CFAP54: variants seen among roughly 807,000 people sequenced by gnomAD.
CFAP54 encodes the protein cilia- and flagella-associated protein 54.
CFAP54 carries 290 observed loss-of-function variants against 370.4 expected under a neutral mutation model. The observed-to-expected ratio is 0.78, with a 90% CI of 0.71 to 0.86. The LOEUF (loss-of-function observed/expected upper bound fraction) is 0.86. Among genes scored for constraint, CFAP54 ranks in the 40% least tolerant of loss-of-function variants. The pLI, the probability that CFAP54 is intolerant of heterozygous loss-of-function variation, is 0.00. For missense variants in CFAP54, 3,399 were observed against 3,528.7 expected, an observed-to-expected ratio of 0.96 and a Z score of 0.93; for synonymous variants, 1,206 against 1,236.5, an observed-to-expected ratio of 0.98 and a Z score of 0.52.
intron 45 of CFAP54, among the ~76,000 whole-genome samples, chr12:96,699,307 G>A (rs1957467651): frequency 6.6e-6 from 1 of 152,104 alleles, no homozygotes; most frequent in Admixed American, 6.6e-5. Context: ...GGAAAGTTAG[G>A]GTTTTCCTTT....
intron 21 of CFAP54, 64 bp from the exon 22 acceptor site, chr12:96,580,856 G>A (rs1282797978): frequency 2.0e-5 from 25 of 1,240,392 alleles, no homozygotes; most frequent in Non-Finnish European, 1.3e-5. Flanking sequence ...TTACTTAATT[G>A]TATTTTAAAA....
intron 66 of CFAP54, among the ~76,000 whole-genome samples, chr12:96,850,400 G>A (rs892607950): frequency 1.3e-5 from 2 of 152,028 alleles, no homozygotes; most frequent in Admixed American, 6.6e-5. Context: ...GGGAGTGGGA[G>A]AGGCTGCACG....
chr12:96,858,258 A>G (rs1405792106), intron 66 of CFAP54, among the ~76,000 whole-genome samples: 1 of 151,992 alleles, frequency 6.6e-6, no homozygotes, highest in Non-Finnish European at 1.5e-5. Flanking sequence ...AGTGATATTG[A>G]GCTTTTACTA....
chr12:96,677,610 G>A (rs1023563939), intron 39 of CFAP54, among the ~76,000 whole-genome samples: 1 of 152,118 alleles, frequency 6.6e-6, no homozygotes, highest in Admixed American at 6.6e-5. Flanking sequence ...GAGATGGTGG[G>A]GACAGGGCAG....
At chr12:96,611,133 C>T (rs1956353587) in intron 26 of CFAP54, among the ~76,000 whole-genome samples, 1 of 152,184 alleles carries the variant, frequency 6.6e-6, no homozygotes, top group Non-Finnish European at 1.5e-5. Context: ...TGGGAGGCAC[C>T]CCCCAGTAGG....
At chr12:96,541,565 T>C (rs7977582) in intron 14 of CFAP54, among the ~76,000 whole-genome samples, 62,963 of 151,790 alleles carry the variant, frequency 0.41, 13,555 homozygotes, top group South Asian at 0.46. Context: ...GGATTACAGA[T>C]GTGAGCCACT....
intron 38 of CFAP54, among the ~76,000 whole-genome samples, chr12:96,661,464 C>T (rs1470829656): frequency 6.6e-6 from 1 of 152,130 alleles, no homozygotes; most frequent in Admixed American, 6.5e-5. Flanking sequence ...AAGCAAGCTT[C>T]AAATCCATAG....
At chr12:96,629,276 A>G (rs11108597) in intron 30 of CFAP54, among the ~76,000 whole-genome samples, 1 of 152,148 alleles carries the variant, frequency 6.6e-6, no homozygotes, top group East Asian at 1.9e-4. Context: ...TATACAACAT[A>G]TTCTCTATTA....
intron 67 of CFAP54, among the ~76,000 whole-genome samples, chr12:96,865,849 A>G (rs1959990635): frequency 1.3e-5 from 2 of 152,088 alleles, no homozygotes; most frequent in Admixed American, 6.6e-5. Context: ...ACAACTAAAA[A>G]TCATTTTGAA....
chr12:96,832,723 T>C (rs956440474), intron 66 of CFAP54, among the ~76,000 whole-genome samples: 1 of 152,208 alleles, frequency 6.6e-6, no homozygotes, highest in African/African-American at 2.4e-5. Flanking sequence ...AGAGGACAAA[T>C]GTTAAAGGTA....
intron 26 of CFAP54, among the ~76,000 whole-genome samples, chr12:96,615,580 A>G (rs1956406472): frequency 6.6e-6 from 1 of 152,238 alleles, no homozygotes; most frequent in African/African-American, 2.4e-5. Context: ...CAGGCAACCT[A>G]CAGAATGGGA....
chr12:96,865,127 A>G (rs1047140396), intron 67 of CFAP54, among the ~76,000 whole-genome samples: 1 of 152,166 alleles, frequency 6.6e-6, no homozygotes, highest in Non-Finnish European at 1.5e-5. Flanking sequence ...TTTGCCCAAC[A>G]AGACTTGTGC....
chr12:96,582,392 A>AT (rs1204540140), intron 22 of CFAP54, among the ~76,000 whole-genome samples: 1 of 152,084 alleles, frequency 6.6e-6, no homozygotes, highest in Non-Finnish European at 1.5e-5. Context: ...GCTTTTCTAA[A>AT]TTTTGTCATA....
At chr12:96,818,892 C>T (rs1959002923) in intron 65 of CFAP54, among the ~76,000 whole-genome samples, 1 of 152,112 alleles carries the variant, frequency 6.6e-6, no homozygotes, top group Admixed American at 6.6e-5. Context: ...AATTCCTTAC[C>T]CTTTATGGAA....
intron 66 of CFAP54, among the ~76,000 whole-genome samples, chr12:96,832,880 A>G (rs1959175161): frequency 6.6e-6 from 1 of 152,210 alleles, no homozygotes; most frequent in Non-Finnish European, 1.5e-5. Context: ...ACTGAAAATA[A>G]GACTCACCAA....
rs752879049 is a variant in CFAP54 at position 96,594,435 on chromosome 12, C to G, written c.3505C>G (p.Pro1169Ala). Reference sequence around the variant, plus strand: ...AATTTATCACAATATTGTTTTGGTACCTGTTGTACAGGTAAGGGTATTCCT... The same window carrying G: ...AATTTATCACAATATTGTTTTGGTAGCTGTTGTACAGGTAAGGGTATTCCT... ...PIIYHNIVLV[P>A]VVQILIKCIV... Residue 1169 changes from proline to alanine, a missense_variant, in exon 25 of 68, where the codon CCT becomes GCT. Pro to Ala is a conservative substitution (Grantham distance 27). Coordinates refer to ENST00000524981, the MANE Select transcript of CFAP54 (RefSeq NM_001306084.2). 1.3e-6 allele frequency: 2 copies of G among 1,529,624 alleles called. No individual in the cohort carries two copies. Among genetic ancestry groups the G allele is most frequent in the Middle Eastern group, 3.3e-4 (2 of 5,972 alleles). 94.8% of individuals were successfully genotyped at this position (1,529,624 alleles called of 1,614,324 possible). A position where few individuals can be genotyped will look rare whatever the true frequency, so the allele number is the denominator to read the frequency against.
At chr12:96,848,675 C>A (rs1959440064) in intron 66 of CFAP54, among the ~76,000 whole-genome samples, 2 of 151,976 alleles carry the variant, frequency 1.3e-5, no homozygotes, top group South Asian at 4.1e-4. Flanking sequence ...TCCAGCCTGG[C>A]AACAGAACGA....
At chr12:96,503,400 CCTTCCTCT>C (rs1955054353) in intron 2 of CFAP54, among the ~76,000 whole-genome samples, 1 of 146,472 alleles carries the variant, frequency 6.8e-6, no homozygotes, top group Admixed American at 6.9e-5. Flanking sequence ...TCCCTTCCTC[CCTTCCTCT>C]CTCCCTCCCT....
chr12:96,549,454 A>G (rs1303323184), intron 15 of CFAP54, among the ~76,000 whole-genome samples: 2 of 152,200 alleles, frequency 1.3e-5, no homozygotes, highest in Admixed American at 6.5e-5. Context: ...GGAAATCGTC[A>G]AAATAAATAC....
Sources: allele counts gnomAD v4.1 joint callset (sites outside exome capture counted in the v4.1 genomes callset), GRCh38; gene constraint gnomAD v4.1.1; transcripts MANE v1.5; gene names NCBI Gene and HGNC (gene_info 2026-07-23, HGNC 2026-07-21).